Variants in KPNA7 observed in about 807,000 individuals in gnomAD.
The protein encoded by KPNA7 is importin subunit alpha-8.
Under a neutral mutation model 53.7 loss-of-function variants are expected in KPNA7, and 54 were observed. The ratio of observed to expected loss-of-function variants is 1.01; its 90% CI spans 0.81 to 1.26. The LOEUF is 1.26. Among genes scored for constraint, KPNA7 ranks in the 50% most tolerant of loss-of-function variants. The probability of loss-of-function intolerance (pLI) is 0.00; values close to 1 mark genes in which losing one functional copy is unlikely to be tolerated. For synonymous variants in KPNA7, 276 were observed against 259.3 expected (o/e 1.06, Z -0.62); for missense variants, 640 against 644.5 (o/e 0.99, Z 0.07).
chr7:99,195,991 C>T, intron 4 of KPNA7, 93 bp downstream of exon 4: 1 of 1,015,850 alleles, frequency 9.8e-7, no homozygotes, highest in Non-Finnish European at 1.5e-6. Context: ...GTTGCCAATG[C>T]CAAGAAACCA....
rs572848859 is a variant in KPNA7 at position 99,176,550 on chromosome 7, G to A, written c.1464+1370C>T. Among the ~76,000 whole-genome samples, 93 of 152,074 alleles carry A rather than the reference G, an allele frequency of 6.1e-4. No homozygotes were observed. The South Asian group carries it at 0.014, about 22-fold the overall frequency. On this transcript the variant is annotated intron_variant, in intron 10 of 10. Transcript: ENST00000327442. ...CAAAAATTCAAAATGGAATTACCAC[G>A]TAATCTAGCAATTCCACTCTAGGTA...
chr7:99,180,744 TGTCTCTCTCTCTCTCC>T (rs1799163767), intron 9 of KPNA7, among the ~76,000 whole-genome samples: 1 of 80,558 alleles, frequency 1.2e-5, no homozygotes, highest in African/African-American at 4.8e-5. Flanking sequence ...TCTCTCCCCG[TGTCTCTCTCTCTCTCC>T]CCGTCTGTGT....
chr7:99,147,814 G>T, the KPNA7 span, among the ~76,000 whole-genome samples: 1 of 139,624 alleles, frequency 7.2e-6, no homozygotes, highest in African/African-American at 2.6e-5. Context: ...TTTTTTTTTT[G>T]ATAAAAGCCT....
At chr7:99,195,480 C>T in intron 4 of KPNA7, 142 bp from the exon 5 acceptor site, 1 of 721,568 alleles carries the variant, frequency 1.4e-6, no homozygotes, top group Non-Finnish European at 2.3e-6. Context: ...CTTGAGGTCG[C>T]AAGGTCAGGA....
downstream of KPNA7, among the ~76,000 whole-genome samples, chr7:99,173,077 A>G (rs757760751): frequency 2.6e-5 from 4 of 151,408 alleles, no homozygotes; most frequent in African/African-American, 4.8e-5. Flanking sequence ...AAAAAAAAAA[A>G]AAAAAAAGAA....
intron 10 of KPNA7, 119 bp from the exon 11 acceptor site, chr7:99,173,913 CT>C: frequency 1.6e-6 from 1 of 625,910 alleles, no homozygotes; most frequent in Non-Finnish European, 2.8e-6. Flanking sequence ...AAGCAGGTAG[CT>C]TAGTAGCAAT....
chr7:99,181,656 C>A (rs1799278472), intron 9 of KPNA7, among the ~76,000 whole-genome samples: 1 of 152,114 alleles, frequency 6.6e-6, no homozygotes, highest in African/African-American at 2.4e-5. Context: ...TCAAGCGATT[C>A]TCCCACCTCA....
chr7:99,150,421 C>CTATTTTTTTT, the KPNA7 span, among the ~76,000 whole-genome samples: 1 of 14,874 alleles, frequency 6.7e-5, no homozygotes, highest in Non-Finnish European at 1.9e-4. Flanking sequence ...AATCATTCTT[C>CTATTTTTTTT]TCTTTTTTTT....
Position 99,177,938 on chromosome 7 carries a change from G to A in KPNA7, c.1446C>T (p.Ile482=), listed in dbSNP as rs1340045709. The part of the protein sequence containing the change: ...RQIGQSALNI[I]EKHFGEEEDE... ...CACTTACCTCACCAAAGTGCTTCTC[G>A]ATGATGTTCAAAGCCGACTGGCCAA... The change falls in exon 10 of 11, where the codon ATC becomes ATT. Residue 482 remains isoleucine (I), a synonymous_variant. Coordinates refer to ENST00000327442, the MANE Select transcript of KPNA7 (RefSeq NM_001145715.3). 8 of 1,551,750 alleles carry A rather than the reference G, an allele frequency of 5.2e-6. No homozygotes were observed. In the East Asian group the frequency reaches 7.3e-5, roughly 14 times the overall value.
intron 6 of KPNA7, among the ~76,000 whole-genome samples, chr7:99,191,314 C>T (rs1319485511): frequency 6.6e-6 from 1 of 151,560 alleles, no homozygotes; most frequent in East Asian, 2.0e-4. Flanking sequence ...CGTGCCACCA[C>T]ACCCAGCTAA....
chr7:99,206,146 G>T (rs531582097), intron 2 of KPNA7, among the ~76,000 whole-genome samples: 273 of 152,206 alleles, frequency 1.8e-3, no homozygotes, highest in African/African-American at 6.4e-3. Context: ...CCAGCTCCTC[G>T]GAGATAAATA....
chr7:99,210,262 C>T (rs889355909), upstream of KPNA7, among the ~76,000 whole-genome samples: 2 of 152,178 alleles, frequency 1.3e-5, no homozygotes, highest in African/African-American at 4.8e-5. Context: ...GCACACTTGG[C>T]TCCTCTTCAT....
chr7:99,203,074 G>A, intron 3 of KPNA7, 32 bp downstream of exon 3: 1 of 1,543,418 alleles, frequency 6.5e-7, no homozygotes, highest in Non-Finnish European at 8.8e-7. Context: ...AACATATTTT[G>A]CCCAAGACTA....
intron 1 of KPNA7, among the ~76,000 whole-genome samples, chr7:99,219,061 C>T (rs1791285089): frequency 6.6e-6 from 1 of 152,242 alleles, no homozygotes; most frequent in African/African-American, 2.4e-5. Context: ...GCTGATTCTA[C>T]CCCCACGCCG....
At chr7:99,171,088 C>T (rs1343188119), downstream of KPNA7, among the ~76,000 whole-genome samples, 2 of 152,106 alleles carry the variant, frequency 1.3e-5, no homozygotes, top group Non-Finnish European at 2.9e-5. Context: ...GGCGTGTTCG[C>T]GGGCGCCCGT....
Position 99,173,740 on chromosome 7 carries a change from A to G in KPNA7, c.1519T>C (p.Phe507Leu). The change falls in exon 11 of 11, where the codon TTT becomes CTT. Residue 507 changes from phenylalanine to leucine, a missense_variant. Phe to Leu is a conservative substitution (Grantham distance 22). Transcript: ENST00000327442. ...TTTGCTAAGCATTCATAATCTATAA[A>G]TTCATAATCTTGGTCTATGACTTGG... Reference protein sequence around the residue: ...LSQVIDQDYEFIDYECLAKK With the variant: ...LSQVIDQDYELIDYECLAKK 2.6e-6 allele frequency: 4 copies of G among 1,551,738 alleles called. No homozygotes were observed. Among genetic ancestry groups the G allele is most frequent in the Non-Finnish European group, 8.7e-7 (1 of 1,146,854 alleles).
At chr7:99,174,859 G>A (rs1402008845) in intron 10 of KPNA7, among the ~76,000 whole-genome samples, 1 of 150,712 alleles carries the variant, frequency 6.6e-6, no homozygotes, top group Non-Finnish European at 1.5e-5. Flanking sequence ...CGCCCAGGCT[G>A]GAGTACAGTG....
At chr7:99,153,443 A>G in the KPNA7 span, among the ~76,000 whole-genome samples, 1 of 151,820 alleles carries the variant, frequency 6.6e-6, no homozygotes, top group Admixed American at 6.6e-5. Flanking sequence ...CCAGCTACTC[A>G]GGAGGCTGAG....
At position 99,185,056 on chromosome 7, in the gene KPNA7, T is replaced by C. The variant is rs758690050; in HGVS notation, c.1007A>G (p.His336Arg). 16 of 1,551,818 alleles carry C rather than the reference T, an allele frequency of 1.0e-5. No homozygotes were observed. Among genetic ancestry groups the C allele is most frequent in the Non-Finnish European group, 1.4e-5 (16 of 1,147,046 alleles). ...CTCCTTCTGGATGGAGGGCTTGTTG[T>C]GTTGCAGGAGCTGGGGGAGCACGTT... ...MLNVLPQLLQ[H>R]NKPSIQKEAA... The change falls in exon 8 of 11, where the codon CAC (histidine) becomes CGC (arginine). Residue 336 changes from histidine to arginine, a missense_variant. Transcript: ENST00000327442.
Sources: allele counts gnomAD v4.1 joint callset (sites outside exome capture counted in the v4.1 genomes callset), GRCh38; gene constraint gnomAD v4.1.1; transcripts MANE v1.5; gene names NCBI Gene and HGNC (gene_info 2026-07-23, HGNC 2026-07-21).